HECW2: variants seen among roughly 807,000 people sequenced by gnomAD.
HECW2 encodes E3 ubiquitin-protein ligase HECW2.
HECW2 carries 61 observed loss-of-function variants against 175.2 expected under a neutral mutation model. The observed-to-expected ratio is 0.35, with a 90% CI of 0.28 to 0.43. The LOEUF (loss-of-function observed/expected upper bound fraction) is 0.43. Ranked by LOEUF, HECW2 falls within the 20% of genes least tolerant of loss-of-function variation. The pLI, the probability that HECW2 is intolerant of heterozygous loss-of-function variation, is 1.00. For missense variants in HECW2, 1,524 were observed against 2,000.5 expected (o/e 0.76, Z 4.54); for synonymous variants, 671 against 731.0 (o/e 0.92, Z 1.32).
chr2:196,228,676 A>G (rs957045769), intron 21 of HECW2, among the ~76,000 whole-genome samples: 4 of 152,240 alleles, frequency 2.6e-5, no homozygotes, highest in Non-Finnish European at 5.9e-5. Context: ...ACATATGCTC[A>G]CAGGACATGG....
intron 1 of HECW2, among the ~76,000 whole-genome samples, chr2:196,473,504 A>C (rs1002447654): frequency 3.9e-5 from 6 of 152,252 alleles, no homozygotes; most frequent in Non-Finnish European, 8.8e-5. Context: ...CCACCTGTCC[A>C]AGTAACCTAC....
intron 13 of HECW2, among the ~76,000 whole-genome samples, chr2:196,296,449 G>A (rs754897070): frequency 6.6e-6 from 1 of 152,140 alleles, no homozygotes; most frequent in Non-Finnish European, 1.5e-5. Context: ...AAATATATAG[G>A]GGATTACATC....
intron 11 of HECW2, among the ~76,000 whole-genome samples, 196 bp downstream of exon 11, chr2:196,307,739 T>C (rs75722876): frequency 0.023 from 3,432 of 152,242 alleles, 134 homozygotes; most frequent in African/African-American, 0.077. Flanking sequence ...ACAAGGTATA[T>C]ATGTGGGTGA....
In HECW2 at chr2:196,356,221, A is replaced by G. The variant is rs1559063658; in HGVS notation, c.293-12457T>C. Reference sequence around the variant, plus strand: ...GATTCACTCATTTAAACCTCTAACAACCCTTTAGGGTAGGAACTATTATCT... The same window carrying G: ...GATTCACTCATTTAAACCTCTAACAGCCCTTTAGGGTAGGAACTATTATCT... On this transcript the variant is annotated intron_variant, in intron 2 of 28. Transcript: ENST00000644978. Among the ~76,000 whole-genome samples the G allele has an allele frequency of 2.6e-5, 4 of 152,182 alleles. No homozygotes were observed. The South Asian group carries it at 8.3e-4, about 31-fold the overall frequency.
At chr2:196,365,313 A>T (rs1372581060) in intron 2 of HECW2, among the ~76,000 whole-genome samples, 5 of 152,220 alleles carry the variant, frequency 3.3e-5, no homozygotes, top group African/African-American at 1.2e-4. Flanking sequence ...TGGTACTAAA[A>T]ACACAACTAG....
intron 14 of HECW2, among the ~76,000 whole-genome samples, chr2:196,279,118 A>G (rs1457281049): frequency 1.3e-5 from 2 of 151,826 alleles, no homozygotes; most frequent in Non-Finnish European, 1.5e-5. Context: ...GCGCGATCTC[A>G]GCTCACTGCA....
rs372268925 is a variant in HECW2, at chr2:196,236,782, C to T, written c.3764+3667G>A. Among the ~76,000 whole-genome samples, 12 of 152,314 alleles carry T rather than the reference C, an allele frequency of 7.9e-5. No individual in the cohort carries two copies. In the East Asian group the frequency reaches 9.6e-4, roughly 12 times the overall value. On this transcript the variant is annotated intron_variant, in intron 21 of 28. Transcript: ENST00000644978. ...AAGACCACAGAGGTAAAGTGCCACC[C>T]TCACGCATCATACCGAGGGTACATA... is the stretch of plus-strand genomic sequence containing the variant.
chr2:196,202,554 AT>A (rs1419624206), intron 28 of HECW2, among the ~76,000 whole-genome samples: 1 of 152,202 alleles, frequency 6.6e-6, no homozygotes, highest in African/African-American at 2.4e-5. Flanking sequence ...AACATGCTTA[AT>A]AGAATGACTG....
intron 1 of HECW2, among the ~76,000 whole-genome samples, chr2:196,532,033 A>G (rs941885888): frequency 6.6e-6 from 1 of 152,248 alleles, no homozygotes; most frequent in Non-Finnish European, 1.5e-5. Context: ...TGCCCTGCAC[A>G]CAACTGGCAT....
At chr2:196,485,314 G>C (rs1428480444) in intron 1 of HECW2, among the ~76,000 whole-genome samples, 1 of 152,146 alleles carries the variant, frequency 6.6e-6, no homozygotes, top group East Asian at 1.9e-4. Flanking sequence ...TCAGGTCAAA[G>C]ACAAAACATG....
intron 2 of HECW2, among the ~76,000 whole-genome samples, chr2:196,405,083 G>A (rs994931936): frequency 2.7e-5 from 4 of 150,764 alleles, no homozygotes; most frequent in Non-Finnish European, 5.9e-5. Flanking sequence ...CGCCCGCCTC[G>A]GCCTCCCAAA....
intron 1 of HECW2, among the ~76,000 whole-genome samples, chr2:196,568,667 A>G (rs181400718): frequency 6.6e-6 from 1 of 152,312 alleles, no homozygotes. Context: ...CTAGCAATAT[A>G]CAATGTGATA....
intron 2 of HECW2, among the ~76,000 whole-genome samples, chr2:196,364,764 C>A (rs1313357716): frequency 2.0e-5 from 3 of 152,162 alleles, no homozygotes; most frequent in Non-Finnish European, 4.4e-5. Flanking sequence ...AAAATGAATT[C>A]TTTAATTACA....
At chr2:196,305,458 A>G (rs1486174952) in intron 13 of HECW2, among the ~76,000 whole-genome samples, 1 of 152,172 alleles carries the variant, frequency 6.6e-6, no homozygotes, top group Non-Finnish European at 1.5e-5. Context: ...ATGTATTAAT[A>G]TATACTAATT....
chr2:196,311,532 C>T (rs1369079426), intron 10 of HECW2, among the ~76,000 whole-genome samples: 1 of 152,160 alleles, frequency 6.6e-6, no homozygotes, highest in Admixed American at 6.6e-5. Flanking sequence ...TGCGGTGGCT[C>T]ACACCTGTAA....
chr2:196,364,436 A>G (rs1400178521), intron 2 of HECW2, among the ~76,000 whole-genome samples: 1 of 152,216 alleles, frequency 6.6e-6, no homozygotes. Context: ...TTTTTTAAGC[A>G]CAAGTAATTC....
chr2:196,303,252 T>C (rs2105693638), intron 13 of HECW2, among the ~76,000 whole-genome samples: 1 of 152,366 alleles, frequency 6.6e-6, no homozygotes, highest in East Asian at 1.9e-4. Context: ...CCCTGCATCC[T>C]GGGGATAAAG....
At chr2:196,227,880 T>C (rs546018997) in intron 22 of HECW2, among the ~76,000 whole-genome samples, 3 of 152,336 alleles carry the variant, frequency 2.0e-5, no homozygotes, top group East Asian at 3.9e-4. Context: ...ATTGATCTTA[T>C]GGAGCAGATC....
chr2:196,349,686 C>T (rs1447382965), intron 2 of HECW2, among the ~76,000 whole-genome samples: 1 of 152,098 alleles, frequency 6.6e-6, no homozygotes, highest in Non-Finnish European at 1.5e-5. Context: ...AATCCTGTTA[C>T]TAATACTGGA....
Sources: gnomAD v4.1 joint callset for allele counts (sites outside exome capture counted in the v4.1 genomes callset) on GRCh38, gnomAD v4.1.1 for gene constraint, MANE v1.5 for transcripts, NCBI Gene and HGNC (gene_info 2026-07-23, HGNC 2026-07-21) for gene names.